TEX11: variants seen among roughly 807,000 people sequenced by gnomAD.
TEX11 encodes the protein testis expressed 11.
In TEX11, 7 loss-of-function variants were observed where a neutral mutation model predicts 84.4. That is an observed-to-expected ratio of 0.08 (90% confidence interval 0.05 to 0.16). The LOEUF (loss-of-function observed/expected upper bound fraction) is 0.16, where lower values mean the gene tolerates loss of function less well. TEX11 is among the 10% of genes least tolerant of loss of function. The pLI is 1.00. For synonymous variants in TEX11, 264 were observed against 222.8 expected (o/e 1.18, Z -1.64); for missense variants, 551 against 660.5 (o/e 0.83, Z 1.82).
intron 20 of TEX11, among the ~76,000 whole-genome samples, chrX:70,621,250 C>T (rs923150138): frequency 3.1e-4 from 33 of 106,971 alleles, no homozygotes; most frequent in African/African-American, 1.0e-3. Context: ...GGGTCGGGCA[C>T]GGTGGCTCAC....
At chrX:70,672,280 C>T (rs750373687) in intron 15 of TEX11, among the ~76,000 whole-genome samples, 2 of 111,059 alleles carry the variant, frequency 1.8e-5, no homozygotes, top group South Asian at 7.7e-4. Flanking sequence ...TGGCTGTTTC[C>T]AGTTTTTAAC....
In TEX11 at chrX:70,730,159, C is replaced by T. The variant is rs763887154; in HGVS notation, c.844-4816G>A. On this transcript the variant is annotated intron_variant, in intron 11 of 29. Transcript: ENST00000374333. ...GCCCTAAAAGAGCTCCTGAAAGAAG[C>T]ACTAAACATGGAAAGGAACAACCGG... is the stretch of plus-strand genomic sequence containing the variant. Among the ~76,000 whole-genome samples, 6 of 111,890 alleles carry T rather than the reference C, an allele frequency of 5.4e-5. No individual in the cohort carries two copies. In the Admixed American group the frequency reaches 5.7e-4, roughly 11 times the overall value.
intron 9 of TEX11, among the ~76,000 whole-genome samples, chrX:70,756,743 G>T (rs1328749920): frequency 1.8e-5 from 2 of 111,979 alleles, no homozygotes; most frequent in African/African-American, 6.5e-5. Flanking sequence ...CACCAGCAAA[G>T]GAACAAAACT....
At chrX:70,664,791 G>T (rs2089962529) in intron 16 of TEX11, among the ~76,000 whole-genome samples, 1 of 79,701 alleles carries the variant, frequency 1.3e-5, no homozygotes, top group African/African-American at 4.7e-5. Flanking sequence ...TTCTTTAGTG[G>T]TTTTTTTTTT....
chrX:70,901,636 C>T (rs1006821190), intron 2 of TEX11, among the ~76,000 whole-genome samples: 10 of 112,081 alleles, frequency 8.9e-5, no homozygotes, highest in African/African-American at 3.2e-4. Context: ...CCACTGGCCA[C>T]TGATCTGACA....
At chrX:70,830,301 AT>A (rs2091370561) in intron 8 of TEX11, among the ~76,000 whole-genome samples, 1 of 112,172 alleles carries the variant, frequency 8.9e-6, no homozygotes. Context: ...AAAGGGGAAA[AT>A]TCAGCAAGAG....
intron 19 of TEX11, 111 bp from the exon 20 acceptor site, chrX:70,624,117 A>G (rs867177977): frequency 2.6e-5 from 12 of 464,300 alleles, no homozygotes; most frequent in African/African-American, 2.2e-4. Context: ...GAAGTGAGAA[A>G]AGAGAGGGTA....
intron 9 of TEX11, among the ~76,000 whole-genome samples, chrX:70,797,016 G>T (rs2091159329): frequency 8.9e-6 from 1 of 112,165 alleles, no homozygotes; most frequent in African/African-American, 3.2e-5. Flanking sequence ...TGTTGGTGGG[G>T]ATGTAAATTA....
intron 13 of TEX11, among the ~76,000 whole-genome samples, chrX:70,717,182 A>AC (rs1459317607): frequency 9.0e-6 from 1 of 110,724 alleles, no homozygotes; most frequent in East Asian, 2.8e-4. Flanking sequence ...CAAAAAAAAA[A>AC]AAAGATCGCT....
intron 5 of TEX11, among the ~76,000 whole-genome samples, chrX:70,855,408 T>C (rs1308641438): frequency 3.7e-5 from 4 of 109,288 alleles, no homozygotes; most frequent in African/African-American, 1.3e-4. Flanking sequence ...CTACTAAAAA[T>C]ACAAAAAATT....
intron 9 of TEX11, among the ~76,000 whole-genome samples, chrX:70,776,693 G>A (rs759714074): frequency 2.5e-4 from 28 of 111,505 alleles, no homozygotes; most frequent in African/African-American, 9.1e-4. Flanking sequence ...CTCAGAAGTG[G>A]GAGCTAAAAA....
chrX:70,641,868 C>A (rs779164886), intron 17 of TEX11, among the ~76,000 whole-genome samples: 16 of 111,039 alleles, frequency 1.4e-4, no homozygotes, highest in African/African-American at 5.2e-4. Flanking sequence ...ACTAGAAAAG[C>A]AAGAGCAAAC....
At chrX:70,674,367 GT>G (rs1170651385) in intron 15 of TEX11, among the ~76,000 whole-genome samples, 1 of 111,966 alleles carries the variant, frequency 8.9e-6, no homozygotes, top group East Asian at 2.8e-4. Flanking sequence ...ACATTTGCAT[GT>G]ATGTGTCTTT....
the TEX11 span, among the ~76,000 whole-genome samples, chrX:70,516,413 G>C: frequency 3.6e-5 from 4 of 111,538 alleles, no homozygotes; most frequent in South Asian, 3.8e-4. Context: ...TCAGGTTTGT[G>C]AAAGATCAGA....
intron 9 of TEX11, among the ~76,000 whole-genome samples, chrX:70,791,873 C>A (rs2091120154): frequency 9.0e-6 from 1 of 111,294 alleles, no homozygotes; most frequent in South Asian, 3.8e-4. Context: ...CGCCTGTAAT[C>A]CCAGCACTTT....
chrX:70,661,566 C>T (rs1291208654), intron 16 of TEX11, among the ~76,000 whole-genome samples: 1 of 111,997 alleles, frequency 8.9e-6, no homozygotes, highest in Non-Finnish European at 1.9e-5. Flanking sequence ...TGAGAATAGA[C>T]AGACTGCCTC....
At chrX:70,569,679 C>A (rs1194278011) in intron 25 of TEX11, among the ~76,000 whole-genome samples, 2 of 111,731 alleles carry the variant, frequency 1.8e-5, no homozygotes, top group East Asian at 5.6e-4. Context: ...CACTCCAGAC[C>A]CTGTTTGCCT....
intron 8 of TEX11, among the ~76,000 whole-genome samples, chrX:70,825,129 T>A (rs763749588): frequency 9.1e-6 from 1 of 110,084 alleles, no homozygotes; most frequent in South Asian, 3.9e-4. Context: ...CTGGCCAACA[T>A]GGCGAAACCC....
chrX:70,905,068 A>G (rs998278769), intron 2 of TEX11, among the ~76,000 whole-genome samples: 3 of 112,107 alleles, frequency 2.7e-5, no homozygotes, highest in African/African-American at 9.7e-5. Flanking sequence ...CTCACCTGTA[A>G]TCCTAGCACT....
Sources: allele counts gnomAD v4.1 joint callset (sites outside exome capture counted in the v4.1 genomes callset), GRCh38; gene constraint gnomAD v4.1.1; transcripts MANE v1.5; gene names NCBI Gene and HGNC (gene_info 2026-07-23, HGNC 2026-07-21).